BAIAP2: variants seen among roughly 807,000 people sequenced by gnomAD.
BAIAP2 encodes the protein BAR/IMD domain containing adaptor protein 2, also known as BAR/IMD domain-containing adapter protein 2.
A neutral mutation model predicts 63.0 loss-of-function variants in BAIAP2; 18 were observed. That is an observed-to-expected ratio of 0.29 (90% CI 0.20 to 0.42). The LOEUF is 0.42. BAIAP2 is among the 10% of genes least tolerant of loss of function. BAIAP2 has a pLI of 1.00. For missense variants in BAIAP2, 610 were observed against 734.3 expected, an observed-to-expected ratio of 0.83 and a Z score of 1.96; for synonymous variants, 386 against 307.6, an observed-to-expected ratio of 1.25 and a Z score of -2.67.
intron 1 of BAIAP2, among the ~76,000 whole-genome samples, chr17:81,043,928 A>G (rs2047436366): frequency 6.6e-6 from 1 of 152,208 alleles, no homozygotes; most frequent in Non-Finnish European, 1.5e-5. Context: ...ACGATAGCGT[A>G]TTTCCTGGCA....
chr17:81,064,933 C>T (rs191188589), intron 3 of BAIAP2, among the ~76,000 whole-genome samples: 2 of 152,360 alleles, frequency 1.3e-5, no homozygotes, highest in Admixed American at 1.3e-4. Context: ...CACAGCCCTT[C>T]TAATCCCCTA....
chr17:81,094,298 C>A (rs376210564), intron 6 of BAIAP2, among the ~76,000 whole-genome samples: 1 of 152,160 alleles, frequency 6.6e-6, no homozygotes, highest in Non-Finnish European at 1.5e-5. Flanking sequence ...CTCCTGTGCC[C>A]GTGGGCATGT....
chr17:81,044,732 T>G (rs2047563757), intron 1 of BAIAP2, among the ~76,000 whole-genome samples: 2 of 152,180 alleles, frequency 1.3e-5, no homozygotes, highest in Admixed American at 6.5e-5. Flanking sequence ...GAGCCTATGA[T>G]GGTTTTCCCT....
Position 81,116,118 on chromosome 17 carries a change from G to A in BAIAP2, c.*279G>A. The A allele has an allele frequency of 2.6e-6, 4 of 1,567,332 alleles. No individual in the cohort carries two copies. In the South Asian group the frequency reaches 4.6e-5, roughly 18 times the overall value. On this transcript the variant is annotated 3_prime_UTR_variant, in exon 14 of 14. Transcript: ENST00000428708. ...ACGCCTCTGGTCACATGGCCATGGA[G>A]CCTTGGGTACCCCTGAGTTAAGGGA... is the stretch of plus-strand genomic sequence containing the variant.
chr17:81,058,671 A>T (rs556814242), intron 3 of BAIAP2, among the ~76,000 whole-genome samples: 4 of 152,324 alleles, frequency 2.6e-5, no homozygotes, highest in Admixed American at 1.3e-4. Flanking sequence ...CCCTTGACGC[A>T]CAAGGAAGCC....
In BAIAP2 at chr17:81,037,763, G is replaced by T. The variant is rs577014105; in HGVS notation, c.54+2455G>T. Among the ~76,000 whole-genome samples the T allele has an allele frequency of 2.0e-5, 3 of 152,376 alleles. No homozygotes were observed. The East Asian group carries it at 5.8e-4, about 29-fold the overall frequency. On this transcript the variant is annotated intron_variant, in intron 1 of 13. Coordinates refer to ENST00000428708, the MANE Select transcript of BAIAP2 (RefSeq NM_001144888.2). ...CACCCGCGATGCGGCTCAGCTGTTT[G>T]GTTTGGTTTGGACATTGCATCGCCT...
intron 1 of BAIAP2, among the ~76,000 whole-genome samples, chr17:81,049,227 G>C (rs771410752): frequency 1.1e-4 from 17 of 152,150 alleles, no homozygotes; most frequent in Non-Finnish European, 1.9e-4. Context: ...TGTCCTGGCA[G>C]GGGGGCATGG....
chr17:81,042,292 C>T (rs1208733419), intron 1 of BAIAP2, among the ~76,000 whole-genome samples: 1 of 150,530 alleles, frequency 6.6e-6, no homozygotes, highest in Non-Finnish European at 1.5e-5. Flanking sequence ...ACAGGCGTGC[C>T]CCACCTGTGT....
chr17:81,099,915 T>A lies in BAIAP2; in HGVS notation c.490-13T>A. 6.2e-7 allele frequency: 1 copy of A among 1,609,768 alleles called. No homozygotes were observed. Among genetic ancestry groups the A allele is most frequent in the Non-Finnish European group, 8.5e-7 (1 of 1,177,474 alleles). On this transcript the variant is annotated splice_polypyrimidine_tract_variant and intron_variant, in intron 6 of 13. Transcript: ENST00000428708. The stretch of plus-strand genomic sequence containing the variant: ...CCATCGCTGGCTGAGCCTTTCTCCC[T>A]TTCCCTCCACAGTACATCGACGCCA...
Position 81,110,321 on chromosome 17 carries a change from C to T in BAIAP2, c.1535+1812C>T, listed in dbSNP as rs987350059. 63 of 986,166 alleles carry T rather than the reference C, an allele frequency of 6.4e-5. No homozygotes were observed. In the African/African-American group the frequency reaches 8.7e-4, roughly 14 times the overall value. 61.1% of individuals were successfully genotyped at this position (986,166 alleles called of 1,614,324 possible). A position where few individuals can be genotyped will look rare whatever the true frequency, so the allele number is the denominator to read the frequency against. On this transcript the variant is annotated intron_variant, in intron 13 of 13. Coordinates refer to ENST00000428708, the MANE Select transcript of BAIAP2 (RefSeq NM_001144888.2). ...AGAGACCCTTCCGCGCCGGCGTTCC[C>T]GCTCCGCTAAAGATTTCAAATCCAG...
At position 81,093,840 on chromosome 17, in the gene BAIAP2, C is replaced by G. The variant is rs944446524; in HGVS notation, c.490-6088C>G. 4.2e-4 allele frequency among the ~76,000 whole-genome samples: 64 copies of G among 152,286 alleles called. 1 individual carries two copies. The highest frequency in any genetic ancestry group is 1.4e-3 in the African/African-American group (59 of 41,562). On this transcript the variant is annotated intron_variant, in intron 6 of 13. Coordinates refer to ENST00000428708, the MANE Select transcript of BAIAP2 (RefSeq NM_001144888.2). ...AGAAGATAATAGCAGGGCCGGTGAT[C>G]GCCAGCGTGGAGTCTGGCGACGTGC...
chr17:81,090,492 A>G (rs2056531867), intron 6 of BAIAP2, among the ~76,000 whole-genome samples: 3 of 152,186 alleles, frequency 2.0e-5, no homozygotes, highest in Admixed American at 2.0e-4. Flanking sequence ...GCTAGGTCTC[A>G]TTTCTCCTGC....
chr17:81,055,574 G>GTTTTTTGTTTTTTTTTTTGTTTT (rs370775327), intron 2 of BAIAP2, among the ~76,000 whole-genome samples: 3 of 123,406 alleles, frequency 2.4e-5, no homozygotes, highest in African/African-American at 8.6e-5. Flanking sequence ...AGGGTGTTTT[G>GTTTTTTGTTTTTTTTTTTGTTTT]TTTTTTTTTG....
intron 13 of BAIAP2, among the ~76,000 whole-genome samples, chr17:81,113,275 G>T (rs928461213): frequency 2.0e-5 from 3 of 152,200 alleles, no homozygotes; most frequent in Non-Finnish European, 4.4e-5. Context: ...TTGCTGGCTG[G>T]AGAGGTGCTG....
rs147926654 is a variant in BAIAP2, at chr17:81,064,283, C to T, written c.217+6316C>T. Among the ~76,000 whole-genome samples the T allele has an allele frequency of 6.6e-3, 1,011 of 152,378 alleles. 50 individuals are homozygous for T. Among genetic ancestry groups the T allele is most frequent in the Admixed American group, 0.063 (965 of 15,312 alleles). On this transcript the variant is annotated intron_variant, in intron 3 of 13. Transcript: ENST00000428708. ...TGCACCTCTGGCCCTGTAGTGCCCA[C>T]AGCCGGGGAGGTGGCCTCGGGCTAT... is the stretch of plus-strand genomic sequence containing the variant.
At chr17:81,071,278 G>C (rs1470620968) in intron 3 of BAIAP2, among the ~76,000 whole-genome samples, 2 of 152,148 alleles carry the variant, frequency 1.3e-5, no homozygotes, top group Admixed American at 1.3e-4. Context: ...GGTCAGCACT[G>C]GATCTGGTCC....
rs2058274333 is a variant in BAIAP2, at chr17:81,100,026, C to T, written c.588C>T (p.Phe196=). The part of the protein sequence containing the change: ...ALTEERRRFC[F]LVEKQCAVAK... ...CAGAGGAGCGCAGGCGCTTCTGCTT[C>T]CTGGTGGAGAAGCAGTGCGCCGTGG... The change falls in exon 7 of 14, where the codon TTC becomes TTT. Residue 196 remains phenylalanine (F), a synonymous_variant. Transcript: ENST00000428708. 2 of 1,612,900 alleles carry T rather than the reference C, an allele frequency of 1.2e-6. No homozygotes were observed. The highest frequency in any genetic ancestry group is 3.3e-5 in the Admixed American group (2 of 60,012).
intron 6 of BAIAP2, among the ~76,000 whole-genome samples, chr17:81,091,604 C>T (rs1297659945): frequency 6.6e-6 from 1 of 152,198 alleles, no homozygotes; most frequent in Non-Finnish European, 1.5e-5. Flanking sequence ...CTGAGAGAGG[C>T]AGGTGTGCCC....
intron 12 of BAIAP2, chr17:81,108,058 G>T (rs935332554): frequency 1.9e-5 from 4 of 214,894 alleles, no homozygotes; most frequent in Non-Finnish European, 3.7e-5. Flanking sequence ...CTGCAGCTGG[G>T]GTCTGGGTCT....
Sources: allele counts gnomAD v4.1 joint callset (sites outside exome capture counted in the v4.1 genomes callset), GRCh38; gene constraint gnomAD v4.1.1; transcripts MANE v1.5; gene names NCBI Gene and HGNC (gene_info 2026-07-23, HGNC 2026-07-21).